The following CPA6 variants were observed in gnomAD, a reference collection of about 807,000 sequenced individuals.
The protein encoded by CPA6 is carboxypeptidase B.
CPA6 carries 58 observed loss-of-function variants against 63.3 expected under a neutral mutation model. The observed-to-expected ratio is 0.92, with a 90% confidence interval of 0.74 to 1.14. CPA6 has a LOEUF of 1.14. CPA6 is among the 50% of genes most tolerant of loss of function. CPA6 has a pLI of 0.00. For synonymous variants in CPA6, 185 were observed against 179.0 expected, an observed-to-expected ratio of 1.03 and a Z score of -0.27; for missense variants, 565 against 526.6, an observed-to-expected ratio of 1.07 and a Z score of -0.71.
chr8:67,657,852 T>C (rs1042052316), intron 1 of CPA6, among the ~76,000 whole-genome samples: 1 of 152,172 alleles, frequency 6.6e-6, no homozygotes, highest in Non-Finnish European at 1.5e-5. Flanking sequence ...CAGTGCACTC[T>C]CCCTGCAGCC....
intron 8 of CPA6, among the ~76,000 whole-genome samples, chr8:67,444,106 CTCAGCCTCCGGAGT>C (rs1810358944): frequency 6.6e-6 from 1 of 151,914 alleles, no homozygotes; most frequent in Non-Finnish European, 1.5e-5. Context: ...ATTCTCCTGC[CTCAGCCTCCGGAGT>C]AGCTGGGATT....
chr8:67,480,165 C>A (rs1273308593), intron 8 of CPA6, among the ~76,000 whole-genome samples: 3 of 152,066 alleles, frequency 2.0e-5, no homozygotes, highest in African/African-American at 7.2e-5. Context: ...TAAATAGAAA[C>A]AAAAATATTT....
Position 67,593,852 on chromosome 8 carries a change from G to A in CPA6, c.192+30324C>T, listed in dbSNP as rs1587611246. On this transcript the variant is annotated intron_variant, in intron 2 of 10. Transcript: ENST00000297770. ...CTCTTTATCCAACTTGCCAGTCTGT[G>A]TCTTTTAATTGGAGCATTTAGTCCA... Among the ~76,000 whole-genome samples, 3 of 148,910 alleles carry A rather than the reference G, an allele frequency of 2.0e-5. No individual in the cohort carries two copies. The South Asian group carries it at 6.7e-4, about 33-fold the overall frequency.
intron 1 of CPA6, among the ~76,000 whole-genome samples, chr8:67,642,555 G>C (rs187416280): frequency 6.6e-6 from 1 of 152,050 alleles, no homozygotes; most frequent in Non-Finnish European, 1.5e-5. Context: ...TGAAGAAGAA[G>C]GTGAGCAATT....
chr8:67,682,367 T>C (rs1466031549), intron 1 of CPA6, among the ~76,000 whole-genome samples: 1 of 152,232 alleles, frequency 6.6e-6, no homozygotes, highest in Non-Finnish European at 1.5e-5. Context: ...TAATTATCTC[T>C]TTAATTTCAG....
chr8:67,726,718 T>C (rs1817602839), intron 1 of CPA6, among the ~76,000 whole-genome samples: 1 of 152,228 alleles, frequency 6.6e-6, no homozygotes, highest in African/African-American at 2.4e-5. Context: ...TATATCAGCA[T>C]GATGCAGGGA....
In CPA6 at chr8:67,496,528, TA is replaced by T. The variant is rs1177472806; in HGVS notation, c.636+10258del. 1.3e-4 allele frequency among the ~76,000 whole-genome samples: 11 copies of T among 87,180 alleles called. 1 individual carries two copies. The highest frequency in any genetic ancestry group is 6.7e-4 in the Admixed American group (6 of 8,916). 57.2% of individuals were successfully genotyped at this position (87,180 alleles called of 152,430 possible). ...ATCACCACTATATAGTTTATATATA[TA>T]TATATATATATATATATATATATAT... On this transcript the variant is annotated intron_variant, in intron 6 of 10. Transcript: ENST00000297770.
rs371734122 is a variant in CPA6 at position 67,608,326 on chromosome 8, G to T, written c.192+15850C>A. On this transcript the variant is annotated intron_variant, in intron 2 of 10. Transcript: ENST00000297770. ...AAAGCCCAAACCCCAGGCTCCATGA[G>T]CAGAAGAGCAGCAGAGCCACATGGC... 4.5e-4 allele frequency among the ~76,000 whole-genome samples: 69 copies of T among 152,306 alleles called. 3 individuals carry two copies. The South Asian group carries it at 0.014, about 30-fold the overall frequency.
At chr8:67,656,875 G>A (rs887250507) in intron 1 of CPA6, among the ~76,000 whole-genome samples, 1 of 152,168 alleles carries the variant, frequency 6.6e-6, no homozygotes, top group Non-Finnish European at 1.5e-5. Flanking sequence ...CTGGGGCTAG[G>A]CCTTTGGATC....
intron 1 of CPA6, among the ~76,000 whole-genome samples, chr8:67,711,618 C>T (rs1817261614): frequency 6.6e-6 from 1 of 151,206 alleles, no homozygotes; most frequent in South Asian, 2.1e-4. Flanking sequence ...TCCCCAAGGG[C>T]AGTGTGTATA....
intron 2 of CPA6, among the ~76,000 whole-genome samples, chr8:67,569,052 G>A (rs1448092935): frequency 6.6e-6 from 1 of 152,140 alleles, no homozygotes; most frequent in African/African-American, 2.4e-5. Context: ...TGCCTGGCAG[G>A]AAGAGTGTTT....
At chr8:67,589,790 C>G (rs552923906) in intron 2 of CPA6, among the ~76,000 whole-genome samples, 3 of 152,194 alleles carry the variant, frequency 2.0e-5, no homozygotes, top group African/African-American at 7.2e-5. Context: ...CCTAGGCACA[C>G]TCTCCTTTGT....
At chr8:67,668,312 AGT>A (rs1816274102) in intron 1 of CPA6, among the ~76,000 whole-genome samples, 1 of 152,254 alleles carries the variant, frequency 6.6e-6, no homozygotes, top group Non-Finnish European at 1.5e-5. Flanking sequence ...CAGTTCATAT[AGT>A]CAGAATAAAA....
At chr8:67,571,494 A>T (rs1295618813) in intron 2 of CPA6, among the ~76,000 whole-genome samples, 1 of 152,238 alleles carries the variant, frequency 6.6e-6, no homozygotes, top group Non-Finnish European at 1.5e-5. Flanking sequence ...TTGAAATCAT[A>T]TCAAATATTT....
chr8:67,500,109 C>T (rs79582738), intron 6 of CPA6, among the ~76,000 whole-genome samples: 1,683 of 152,210 alleles, frequency 0.011, 39 homozygotes, highest in African/African-American at 0.037. Flanking sequence ...TACATTTGCA[C>T]CTGCAACATA....
At chr8:67,602,179 G>A (rs427022) in intron 2 of CPA6, among the ~76,000 whole-genome samples, 83 of 151,790 alleles carry the variant, frequency 5.5e-4, no homozygotes, top group Non-Finnish European at 9.7e-4. Flanking sequence ...TAATATATAG[G>A]GATATATAAG....
At chr8:67,648,356 T>G (rs964003474) in intron 1 of CPA6, among the ~76,000 whole-genome samples, 1 of 151,054 alleles carries the variant, frequency 6.6e-6, no homozygotes, top group African/African-American at 2.4e-5. Context: ...CAAAATCCTT[T>G]GAGGAATGAG....
intron 8 of CPA6, among the ~76,000 whole-genome samples, chr8:67,461,420 T>C (rs1159293037): frequency 8.0e-5 from 12 of 149,854 alleles, no homozygotes; most frequent in Admixed American, 6.7e-4. Flanking sequence ...GAAGAATTTA[T>C]CTTAGTACAG....
chr8:67,513,930 T>A (rs1812091788), intron 3 of CPA6, among the ~76,000 whole-genome samples: 1 of 152,078 alleles, frequency 6.6e-6, no homozygotes, highest in Non-Finnish European at 1.5e-5. Flanking sequence ...TCCCCAAAGT[T>A]TCCAGGTTGG....
Sources: gnomAD v4.1 joint callset for allele counts (sites outside exome capture counted in the v4.1 genomes callset) on GRCh38, gnomAD v4.1.1 for gene constraint, MANE v1.5 for transcripts, NCBI Gene and HGNC (gene_info 2026-07-23, HGNC 2026-07-21) for gene names.